Variants in MAGI2 observed in about 807,000 individuals in gnomAD.
MAGI2 encodes membrane associated guanylate kinase, WW and PDZ domain containing 2, also known as membrane-associated guanylate kinase, WW and PDZ domain-containing protein 2.
In MAGI2, 35 loss-of-function variants were observed where a neutral mutation model predicts 133.3. That is an observed-to-expected ratio of 0.26 (90% CI 0.20 to 0.35). The LOEUF is 0.35. Ranked by LOEUF, MAGI2 falls within the 10% of genes least tolerant of loss-of-function variation. The pLI is 1.00. For synonymous variants in MAGI2, 729 were observed against 710.6 expected, an observed-to-expected ratio of 1.03 and a Z score of -0.41; for missense variants, 1,636 against 1,863.4, an observed-to-expected ratio of 0.88 and a Z score of 2.25.
intron 9 of MAGI2, among the ~76,000 whole-genome samples, chr7:78,285,193 C>CAA (rs1428648310): frequency 6.6e-6 from 1 of 152,066 alleles, no homozygotes; most frequent in African/African-American, 2.4e-5. Context: ...CAAAACCTCC[C>CAA]ACATGAGAAA....
intron 18 of MAGI2, among the ~76,000 whole-genome samples, chr7:78,130,950 C>T (rs1334057943): frequency 6.6e-6 from 1 of 152,186 alleles, no homozygotes; most frequent in Non-Finnish European, 1.5e-5. Flanking sequence ...CTGTTGTTCT[C>T]CCCTCAGAGC....
intron 2 of MAGI2, among the ~76,000 whole-genome samples, chr7:78,699,155 G>A (rs1300652693): frequency 6.6e-6 from 1 of 152,134 alleles, no homozygotes; most frequent in African/African-American, 2.4e-5. Flanking sequence ...TGTCACCCAG[G>A]CTGGAGTGTA....
intron 6 of MAGI2, among the ~76,000 whole-genome samples, chr7:78,434,071 A>G (rs1344775876): frequency 6.6e-6 from 1 of 152,142 alleles, no homozygotes; most frequent in South Asian, 2.1e-4. Context: ...TTGTTTCCAC[A>G]TGCTCTCTTT....
intron 2 of MAGI2, among the ~76,000 whole-genome samples, chr7:79,006,194 A>T (rs1420409576): frequency 6.6e-6 from 1 of 151,900 alleles, no homozygotes; most frequent in African/African-American, 2.4e-5. Context: ...TGTTTTGCTT[A>T]TTTGTTTCAC....
At chr7:78,253,277 C>T (rs988850332) in intron 10 of MAGI2, 1 of 152,186 alleles carries the variant, frequency 6.6e-6, no homozygotes, top group Non-Finnish European at 1.5e-5. Context: ...ACATAGGTAA[C>T]TCTCACCAGC....
intron 2 of MAGI2, among the ~76,000 whole-genome samples, chr7:78,957,320 C>T (rs958335766): frequency 1.3e-4 from 19 of 150,590 alleles, no homozygotes; most frequent in African/African-American, 4.4e-4. Context: ...GGAACCCCTC[C>T]TAAATGCTCC....
intron 1 of MAGI2, among the ~76,000 whole-genome samples, chr7:79,056,296 T>A (rs1209141472): frequency 6.6e-6 from 1 of 151,986 alleles, no homozygotes; most frequent in Non-Finnish European, 1.5e-5. Context: ...GCTGCAGGAG[T>A]TCAAGGCTGC....
chr7:78,448,442 G>T (rs17353183), intron 6 of MAGI2, among the ~76,000 whole-genome samples: 1 of 151,860 alleles, frequency 6.6e-6, no homozygotes, highest in Non-Finnish European at 1.5e-5. Flanking sequence ...GCAACGAGGG[G>T]GCTCACCAGA....
intron 6 of MAGI2, among the ~76,000 whole-genome samples, chr7:78,402,453 G>A (rs538083588): frequency 3.3e-5 from 5 of 152,152 alleles, no homozygotes; most frequent in Non-Finnish European, 5.9e-5. Context: ...TCCACCTCGG[G>A]CGTGTGTGTG....
chr7:79,449,384 T>C (rs986511343), intron 1 of MAGI2, among the ~76,000 whole-genome samples: 5 of 149,748 alleles, frequency 3.3e-5, no homozygotes, highest in African/African-American at 1.2e-4. Context: ...TTATTTCCCA[T>C]TGTGAGACCC....
chr7:78,876,818 T>A (rs1327478523), intron 2 of MAGI2, among the ~76,000 whole-genome samples: 1 of 152,196 alleles, frequency 6.6e-6, no homozygotes, highest in Admixed American at 6.5e-5. Flanking sequence ...TTGCTCCCCA[T>A]CATTGAAGAT....
chr7:79,026,308 C>T (rs540368701), intron 1 of MAGI2, among the ~76,000 whole-genome samples: 1 of 152,322 alleles, frequency 6.6e-6, no homozygotes, highest in Admixed American at 6.5e-5. Flanking sequence ...CAGTCTTAAG[C>T]AACTTTGGCT....
chr7:78,095,732 AG>A (rs1817635966), intron 20 of MAGI2, among the ~76,000 whole-genome samples: 1 of 152,118 alleles, frequency 6.6e-6, no homozygotes, highest in African/African-American at 2.4e-5. Context: ...TGTTATCCCA[AG>A]CTCCCAACAG....
At chr7:78,243,793 T>C (rs1791444434) in intron 10 of MAGI2, among the ~76,000 whole-genome samples, 1 of 152,092 alleles carries the variant, frequency 6.6e-6, no homozygotes, top group Non-Finnish European at 1.5e-5. Context: ...CAGAAGACTT[T>C]GTTGCATTTT....
intron 1 of MAGI2, among the ~76,000 whole-genome samples, chr7:79,131,736 TC>T (rs1328067464): frequency 6.6e-6 from 1 of 152,208 alleles, no homozygotes; most frequent in Non-Finnish European, 1.5e-5. Context: ...AGCATGTCTT[TC>T]GTTTTTGAAT....
chr7:79,217,892 T>G (rs1427456661), intron 1 of MAGI2, among the ~76,000 whole-genome samples: 1 of 152,018 alleles, frequency 6.6e-6, no homozygotes, highest in Non-Finnish European at 1.5e-5. Flanking sequence ...GTTGTTTCCT[T>G]TGCTAATATG....
At chr7:79,373,847 T>G (rs1843209218) in intron 1 of MAGI2, among the ~76,000 whole-genome samples, 1 of 152,026 alleles carries the variant, frequency 6.6e-6, no homozygotes, top group Admixed American at 6.6e-5. Context: ...GACCTAAAAA[T>G]TCTACTCCTT....
At chr7:78,170,098 A>G (rs1317063380) in intron 14 of MAGI2, 3 of 152,216 alleles carry the variant, frequency 2.0e-5, no homozygotes, top group Admixed American at 6.5e-5. Context: ...TTAGTGAGAG[A>G]CTTTACAGCT....
At chr7:78,453,771 T>C (rs1281891607) in intron 6 of MAGI2, among the ~76,000 whole-genome samples, 2 of 152,198 alleles carry the variant, frequency 1.3e-5, no homozygotes, top group Non-Finnish European at 2.9e-5. Flanking sequence ...CATTTTATAT[T>C]TGAGACCAGG....
Sources: allele counts gnomAD v4.1 joint callset (sites outside exome capture counted in the v4.1 genomes callset), GRCh38; gene constraint gnomAD v4.1.1; transcripts MANE v1.5; gene names NCBI Gene and HGNC (gene_info 2026-07-23, HGNC 2026-07-21).